Variants in ZNF141 observed in about 807,000 individuals in gnomAD.
The protein encoded by ZNF141 is zinc finger protein 141 (clone pHZ-44).
ZNF141 carries 7 observed loss-of-function variants against 11.3 expected under a neutral mutation model. That is an observed-to-expected ratio of 0.62 (90% CI 0.35 to 1.16). ZNF141 has a LOEUF of 1.16. Ranked by LOEUF, ZNF141 falls within the 50% of genes most tolerant of loss-of-function variation. The pLI is 0.02. For missense variants in ZNF141, 535 were observed against 554.0 expected, an observed-to-expected ratio of 0.97 and a Z score of 0.34; for synonymous variants, 183 against 190.7, an observed-to-expected ratio of 0.96 and a Z score of 0.33.
intron 3 of ZNF141, among the ~76,000 whole-genome samples, chr4:366,479 T>A (rs547461777): frequency 2.6e-4 from 40 of 152,112 alleles, no homozygotes; most frequent in African/African-American, 9.4e-4. Flanking sequence ...AATTTTTGTA[T>A]TTTTAGTAGT....
In ZNF141 at chr4:378,164, A is replaced by G. The variant is rs1712456524; in HGVS notation, c.*4302A>G. 6.6e-6 allele frequency: 1 copy of G among 152,148 alleles called. No individual in the cohort carries two copies. Among genetic ancestry groups the G allele is most frequent in the Non-Finnish European group, 1.5e-5 (1 of 68,022 alleles). The allele number at this position is 152,148 out of a possible 1,614,324, so 9.4% of individuals were successfully genotyped here. A position where few individuals can be genotyped will look rare whatever the true frequency, so the allele number is the denominator to read the frequency against. The stretch of plus-strand genomic sequence containing the variant: ...TGCCAACAGAGTAAGACCCGTCTCA[A>G]CAACAACAACAAAAAAGAAGAAAAT... On this transcript the variant is annotated 3_prime_UTR_variant, in exon 4 of 4. Transcript: ENST00000240499.
At chr4:366,680 A>G (rs1711760207) in intron 3 of ZNF141, among the ~76,000 whole-genome samples, 2 of 148,862 alleles carry the variant, frequency 1.3e-5, no homozygotes, top group Admixed American at 1.3e-4. Flanking sequence ...ATTTTATTTT[A>G]TTTATTTAAT....
rs1553848726 is a variant in ZNF141, at chr4:342,829, C to T, written c.4-953C>T. ...TACAGAAAAAATTCAAACAGGTCCC[C>T]GAGGCATTTTGAAATTCATCCCAAC... is the stretch of plus-strand genomic sequence containing the variant. On this transcript the variant is annotated intron_variant, in intron 1 of 3. Transcript: ENST00000240499. The T allele has an allele frequency of 8.7e-6, 14 of 1,607,520 alleles. No individual in the cohort carries two copies. The South Asian group carries it at 1.2e-4, about 14-fold the overall frequency.
intron 3 of ZNF141, among the ~76,000 whole-genome samples, chr4:355,540 C>T (rs1370141071): frequency 2.6e-5 from 4 of 152,072 alleles, no homozygotes; most frequent in Non-Finnish European, 5.9e-5. Flanking sequence ...TATTTAGTCT[C>T]ATATAAATAT....
Position 383,981 on chromosome 4 carries a change from T to C in ZNF141, c.*10119T>C, listed in dbSNP as rs1420100062. The C allele has an allele frequency of 1.3e-5, 2 of 152,314 alleles. No homozygotes were observed. Among genetic ancestry groups the C allele is most frequent in the African/African-American group, 4.8e-5 (2 of 41,460 alleles). The allele number at this position is 152,314 out of a possible 1,614,324, so 9.4% of individuals were successfully genotyped here. The stretch of plus-strand genomic sequence containing the variant: ...AATCTTGCTTTTGCTATTCCCTTCC[T>C]GTTTTTCATTCCTTTGTGTGCTTTG... On this transcript the variant is annotated 3_prime_UTR_variant, in exon 4 of 4. Transcript: ENST00000240499.
At chr4:361,561 C>T (rs1469598666) in intron 3 of ZNF141, among the ~76,000 whole-genome samples, 3 of 151,968 alleles carry the variant, frequency 2.0e-5, no homozygotes, top group African/African-American at 4.8e-5. Flanking sequence ...CGGTGTGTGA[C>T]GTTCCCCACC....
At chr4:350,239 GCCTGCTTATTCTAAATAAC>G (rs1560185057) in intron 3 of ZNF141, 1 of 534,296 alleles carries the variant, frequency 1.9e-6, no homozygotes, top group Non-Finnish European at 3.8e-6. Context: ...CTGAGTGAGG[GCCTGCTTATTCTAAATAAC>G]CCTCGATCTC....
chr4:341,523 A>G (rs1553848459), intron 1 of ZNF141, among the ~76,000 whole-genome samples: 1 of 152,240 alleles, frequency 6.6e-6, no homozygotes, highest in Non-Finnish European at 1.5e-5. Context: ...TTGTTACTGT[A>G]TGTTATACAA....
intron 3 of ZNF141, among the ~76,000 whole-genome samples, chr4:370,632 C>T (rs540707318): frequency 4.0e-4 from 61 of 152,198 alleles, no homozygotes; most frequent in Non-Finnish European, 7.6e-4. Flanking sequence ...TTTATCTTGC[C>T]GCTTCTAAGA....
Position 373,507 on chromosome 4 carries a change from A to C in ZNF141, c.1070A>C (p.His357Pro). ...AFRQSSKLNEHKKVHTGERPY... is the reference protein window; with the variant it reads ...AFRQSSKLNEPKKVHTGERPY... ...AGACAGTCCTCAAAACTGAATGAAC[A>C]TAAGAAAGTTCATACTGGAGAGCGG... Residue 357 changes from histidine to proline, a missense_variant, in exon 4 of 4, where the codon CAT becomes CCT. By Grantham distance (77) the His-to-Pro change is moderately conservative. Transcript: ENST00000240499. 6.2e-7 allele frequency: 1 copy of C among 1,614,064 alleles called. No homozygotes were observed. Among genetic ancestry groups the C allele is most frequent in the Non-Finnish European group, 8.5e-7 (1 of 1,179,934 alleles).
At chr4:354,885 A>G (rs930227517) in intron 3 of ZNF141, among the ~76,000 whole-genome samples, 14 of 152,146 alleles carry the variant, frequency 9.2e-5, no homozygotes, top group South Asian at 2.1e-4. Context: ...TAAAATTGTG[A>G]TTTAAAAACT....
chr4:372,305 T>C (rs1553853671), intron 3 of ZNF141, among the ~76,000 whole-genome samples: 1 of 152,220 alleles, frequency 6.6e-6, no homozygotes, highest in Admixed American at 6.5e-5. Context: ...AGTATTTTTC[T>C]TCTCTTTAAA....
At position 381,400 on chromosome 4, in the gene ZNF141, C is replaced by CTT. The variant is rs34721227; in HGVS notation, c.*7563_*7564dup. Reference sequence around the variant, plus strand: ...CTATTTAATACAGACTTCAAATGTGCTTTTTTTTTTTTTTTTTTTTTTTTT... The same window carrying CTT: ...CTATTTAATACAGACTTCAAATGTGCTTTTTTTTTTTTTTTTTTTTTTTTTTT... On this transcript the variant is annotated 3_prime_UTR_variant, in exon 4 of 4. Coordinates refer to ENST00000240499, the MANE Select transcript of ZNF141 (RefSeq NM_003441.4). Among the ~76,000 whole-genome samples, 439 of 76,942 alleles carry CTT rather than the reference C, an allele frequency of 5.7e-3. 52 individuals are homozygous for CTT. The highest frequency in any genetic ancestry group is 7.5e-3 in the African/African-American group (124 of 16,442). 50.5% of individuals were successfully genotyped at this position (76,942 alleles called of 152,430 possible). A position where few individuals can be genotyped will look rare whatever the true frequency, so the allele number is the denominator to read the frequency against.
At chr4:341,185 C>G (rs1026324185) in intron 1 of ZNF141, among the ~76,000 whole-genome samples, 2 of 151,924 alleles carry the variant, frequency 1.3e-5, no homozygotes. Flanking sequence ...CTCCTGCCTC[C>G]GAGTAGCTGG....
At chr4:360,186 A>G (rs1483693853) in intron 3 of ZNF141, among the ~76,000 whole-genome samples, 2 of 152,174 alleles carry the variant, frequency 1.3e-5, no homozygotes, top group African/African-American at 2.4e-5. Flanking sequence ...GTCAGGGCTT[A>G]ACTGCTGCAT....
chr4:357,862 C>T (rs112845648), intron 3 of ZNF141, among the ~76,000 whole-genome samples: 6,435 of 151,714 alleles, frequency 0.042, 305 homozygotes, highest in African/African-American at 0.12. Flanking sequence ...CGCGCCACCA[C>T]GCCCGACTAA....
intron 3 of ZNF141, among the ~76,000 whole-genome samples, chr4:351,593 C>T (rs1308034438): frequency 1.3e-5 from 2 of 152,148 alleles, no homozygotes; most frequent in East Asian, 1.9e-4. Flanking sequence ...TTTCTTTCCT[C>T]CTAAAACATA....
intron 3 of ZNF141, among the ~76,000 whole-genome samples, chr4:345,297 GA>G (rs1553849362): frequency 6.6e-6 from 1 of 151,830 alleles, no homozygotes; most frequent in Non-Finnish European, 1.5e-5. Context: ...TCCTAAATAT[GA>G]AAAAAAGTAA....
Position 338,427 on chromosome 4 carries a change from TG to T in ZNF141, c.3+446del, listed in dbSNP as rs782582546. On this transcript the variant is annotated intron_variant, in intron 1 of 3. Transcript: ENST00000240499. ...ACAGCGCCGGCCGTGGCTCGTGGTT[TG>T]GGGGCTGCCAGCGGGTCTTGAAGGA... is the stretch of plus-strand genomic sequence containing the variant. 3.6e-4 allele frequency: 59 copies of T among 165,826 alleles called. 2 individuals are homozygous for T. In the East Asian group the frequency reaches 7.7e-3, roughly 22 times the overall value. 10.3% of individuals were successfully genotyped at this position (165,826 alleles called of 1,614,324 possible). A position where few individuals can be genotyped will look rare whatever the true frequency, so the allele number is the denominator to read the frequency against.
Sources: allele counts gnomAD v4.1 joint callset (sites outside exome capture counted in the v4.1 genomes callset), GRCh38; gene constraint gnomAD v4.1.1; transcripts MANE v1.5; gene names NCBI Gene and HGNC (gene_info 2026-07-23, HGNC 2026-07-21).